Variants in SGCG observed in about 807,000 individuals in gnomAD.
SGCG encodes the protein sarcoglycan gamma, also known as gamma-sarcoglycan.
A neutral mutation model predicts 29.3 loss-of-function variants in SGCG; 26 were observed. The observed-to-expected ratio is 0.89, with a 90% CI of 0.65 to 1.23. The LOEUF is 1.23. SGCG is among the 50% of genes most tolerant of loss of function. The pLI, the probability that SGCG is intolerant of heterozygous loss-of-function variation, is 0.00. For missense variants in SGCG, 353 were observed against 356.0 expected (o/e 0.99, Z 0.07); for synonymous variants, 145 against 129.7 (o/e 1.12, Z -0.80).
intron 3 of SGCG, among the ~76,000 whole-genome samples, chr13:23,236,051 T>C (rs1412158658): frequency 1.3e-5 from 2 of 152,224 alleles, no homozygotes; most frequent in African/African-American, 4.8e-5. Context: ...GGCTATCTTA[T>C]TGGCAGTGGG....
chr13:23,248,860 G>T (rs1879839799), intron 3 of SGCG, among the ~76,000 whole-genome samples: 1 of 144,570 alleles, frequency 6.9e-6, no homozygotes, highest in Non-Finnish European at 1.5e-5. Flanking sequence ...GCGTGGTGGC[G>T]GGCACCTGTA....
At chr13:23,225,780 T>TACAAACACACACACAC (rs71185059) in intron 2 of SGCG, among the ~76,000 whole-genome samples, 10 of 148,546 alleles carry the variant, frequency 6.7e-5, no homozygotes, top group African/African-American at 2.5e-4. Flanking sequence ...GGACATGTCA[T>TACAAACACACACACAC]ACACACACAC....
chr13:23,241,128 G>A lies in SGCG; in HGVS notation c.297+6416G>A, dbSNP rs561375953. On this transcript the variant is annotated intron_variant, in intron 3 of 7. Coordinates refer to ENST00000218867, the MANE Select transcript of SGCG (RefSeq NM_000231.3). ...CACACCACTGCACTCCAGCCTGGGT[G>A]ACGGAGCGAGACTCCATCTCAAAAA... Among the ~76,000 whole-genome samples, 438 of 139,692 alleles carry A rather than the reference G, an allele frequency of 3.1e-3. 3 individuals are homozygous for A. The highest frequency in any genetic ancestry group is 0.011 in the African/African-American group (412 of 37,656). 91.6% of individuals were successfully genotyped at this position (139,692 alleles called of 152,430 possible). A position where few individuals can be genotyped will look rare whatever the true frequency, so the allele number is the denominator to read the frequency against.
Position 23,315,888 on chromosome 13 carries a change from T to C in SGCG, c.579-4749T>C, listed in dbSNP as rs767935786. Among the ~76,000 whole-genome samples the C allele has an allele frequency of 3.9e-5, 6 of 152,190 alleles. No homozygotes were observed. The South Asian group carries it at 6.2e-4, about 16-fold the overall frequency. On this transcript the variant is annotated intron_variant, in intron 6 of 7. Transcript: ENST00000218867. ...AGATATTTGTATCCCATGTGAGTGC[T>C]CACCAACTGGTGACCTCAGCAGAGA...
intron 3 of SGCG, chr13:23,245,417 C>T (rs1879670592): frequency 6.6e-6 from 1 of 152,114 alleles, no homozygotes; most frequent in African/African-American, 2.4e-5. Context: ...TCCAGGAGAT[C>T]CTGGGAGATG....
chr13:23,304,899 G>A (rs1292082882), intron 6 of SGCG, among the ~76,000 whole-genome samples: 2 of 152,192 alleles, frequency 1.3e-5, no homozygotes, highest in Non-Finnish European at 2.9e-5. Flanking sequence ...AAAGTGCTGG[G>A]ATTACAGAGA....
At chr13:23,276,838 C>T (rs1881099029) in intron 4 of SGCG, among the ~76,000 whole-genome samples, 1 of 152,238 alleles carries the variant, frequency 6.6e-6, no homozygotes, top group South Asian at 2.1e-4. Flanking sequence ...AAGACTCTCT[C>T]ATGCTTGCAT....
chr13:23,167,289 G>A, the SGCG span, among the ~76,000 whole-genome samples: 1 of 151,926 alleles, frequency 6.6e-6, no homozygotes, highest in South Asian at 2.1e-4. Flanking sequence ...TTTTCTTTGT[G>A]GCACATTTCC....
chr13:23,248,463 G>A (rs566595589), intron 3 of SGCG, among the ~76,000 whole-genome samples: 78 of 152,278 alleles, frequency 5.1e-4, no homozygotes, highest in African/African-American at 1.9e-3. Context: ...ACCTTTGGGA[G>A]GTGGAGGCGG....
chr13:23,318,804 T>C lies in SGCG; in HGVS notation c.579-1833T>C, dbSNP rs150736508. 4.6e-3 allele frequency among the ~76,000 whole-genome samples: 698 copies of C among 152,306 alleles called. 4 individuals carry two copies. The highest frequency in any genetic ancestry group is 0.016 in the African/African-American group (660 of 41,568). On this transcript the variant is annotated intron_variant, in intron 6 of 7. Coordinates refer to ENST00000218867, the MANE Select transcript of SGCG (RefSeq NM_000231.3). ...TTCTTAGCAGCGTCCCATTATAACA[T>C]GGTTAAAAACTAGTAAATGATCAGG...
chr13:23,190,544 T>TG (rs1469516467), intron 1 of SGCG, among the ~76,000 whole-genome samples: 2 of 152,182 alleles, frequency 1.3e-5, no homozygotes, highest in Admixed American at 1.3e-4. Context: ...CTGCATATAT[T>TG]GGGGGTGCAT....
At chr13:23,215,726 C>T (rs1347450914) in intron 2 of SGCG, among the ~76,000 whole-genome samples, 1 of 151,710 alleles carries the variant, frequency 6.6e-6, no homozygotes, top group Admixed American at 6.6e-5. Flanking sequence ...AAACCACCAC[C>T]CCATTGGTAC....
intron 1 of SGCG, among the ~76,000 whole-genome samples, chr13:23,194,590 G>T (rs1877410923): frequency 6.6e-6 from 1 of 152,168 alleles, no homozygotes; most frequent in African/African-American, 2.4e-5. Flanking sequence ...ATTAACTTCT[G>T]ATAGCAGAGG....
At chr13:23,292,804 T>G (rs1881766423) in intron 5 of SGCG, among the ~76,000 whole-genome samples, 1 of 152,226 alleles carries the variant, frequency 6.6e-6, no homozygotes, top group South Asian at 2.1e-4. Flanking sequence ...TAACAAAGCA[T>G]TACTTGGGTT....
In SGCG at chr13:23,295,718, CCTT is replaced by C. The variant is rs796077431; in HGVS notation, c.578+236_578+238del. 8.5e-5 allele frequency among the ~76,000 whole-genome samples: 13 copies of C among 152,336 alleles called. No homozygotes were observed. The South Asian group carries it at 2.7e-3, about 32-fold the overall frequency. On this transcript the variant is annotated intron_variant, in intron 6 of 7. Transcript: ENST00000218867. ...TGTTCACAGCCTCCTCCTTCCTCCT[CCTT>C]CTTCCTCTCCAATCTGCCTCTCACA...
Position 23,279,405 on chromosome 13 carries a change from C to T in SGCG, c.432C>T (p.Ser144=), listed in dbSNP as rs775787536. 6.2e-7 allele frequency: 1 copy of T among 1,613,240 alleles called. No homozygotes were observed. The highest frequency in any genetic ancestry group is 1.7e-5 in the Admixed American group (1 of 60,004). The change falls in exon 5 of 8, where the codon TCC becomes TCT. Residue 144 remains serine, a synonymous_variant. Transcript: ENST00000218867. The part of the protein sequence containing the change: ...EVQNQQFQIN[S]NDGKPLFTVD... ...AGAATCAACAGTTTCAGATCAACTC[C>T]AACGACGGCAAGCCACTATTTACTG...
the SGCG span, among the ~76,000 whole-genome samples, chr13:23,169,452 G>A: frequency 4.6e-5 from 7 of 151,586 alleles, no homozygotes; most frequent in East Asian, 5.8e-4. Context: ...AGGCCGAGGC[G>A]GGTGGATCAC....
chr13:23,239,691 C>T (rs2137551666), intron 3 of SGCG, among the ~76,000 whole-genome samples: 1 of 152,192 alleles, frequency 6.6e-6, no homozygotes, highest in Non-Finnish European at 1.5e-5. Flanking sequence ...GAAACAAAGA[C>T]CGTAACAGAA....
chr13:23,231,211 C>A (rs1051816501), intron 2 of SGCG, among the ~76,000 whole-genome samples: 18 of 152,060 alleles, frequency 1.2e-4, no homozygotes, highest in African/African-American at 4.1e-4. Context: ...AAGATTTTTG[C>A]ATCTGTGTTC....
Sources: allele counts gnomAD v4.1 joint callset (sites outside exome capture counted in the v4.1 genomes callset), GRCh38; gene constraint gnomAD v4.1.1; transcripts MANE v1.5; gene names NCBI Gene and HGNC (gene_info 2026-07-23, HGNC 2026-07-21).